Variants in VAV2 observed in about 807,000 individuals in gnomAD.
The protein encoded by VAV2 is guanine nucleotide exchange factor VAV2.
A neutral mutation model predicts 132.5 loss-of-function variants in VAV2; 67 were observed. The observed-to-expected ratio is 0.51, with a 90% confidence interval of 0.42 to 0.62. VAV2 has a LOEUF of 0.62. Ranked by LOEUF, VAV2 falls within the 20% of genes least tolerant of loss-of-function variation. The pLI is 0.00. For synonymous variants in VAV2, 492 were observed against 443.5 expected (o/e 1.11, Z -1.37); for missense variants, 938 against 1,153.6 (o/e 0.81, Z 2.71).
intron 7 of VAV2, 33 bp downstream of exon 7, chr9:133,809,007 T>C (rs749452381): frequency 1.9e-6 from 3 of 1,598,774 alleles, no homozygotes; most frequent in South Asian, 2.2e-5. Context: ...CAGTGGCCGC[T>C]GCCATTTTCC....
chr9:133,783,876 C>CTTT lies in VAV2; in HGVS notation c.1635-286_1635-285insAAA, dbSNP rs1564342140. On this transcript the variant is annotated intron_variant, in intron 18 of 29. Transcript: ENST00000371850. Reference sequence around the variant, plus strand: ...TGAAACTCTAAGGGCTTGGCTGGGCCGTTTTTTTTTTTTTTTTTTTTGGAG... The same window carrying CTTT: ...TGAAACTCTAAGGGCTTGGCTGGGCCTTTGTTTTTTTTTTTTTTTTTTTTGGAG... Among the ~76,000 whole-genome samples, 33 of 124,998 alleles carry CTTT rather than the reference C, an allele frequency of 2.6e-4. 4 individuals carry two copies. In the South Asian group the frequency reaches 3.7e-3, roughly 14 times the overall value. The allele number at this position is 124,998 out of a possible 152,430, so 82.0% of individuals were successfully genotyped here.
At chr9:133,942,744 G>A (rs1588149371) in intron 1 of VAV2, among the ~76,000 whole-genome samples, 1 of 152,236 alleles carries the variant, frequency 6.6e-6, no homozygotes, top group Admixed American at 6.5e-5. Flanking sequence ...AGCAACTGCT[G>A]TGCCTGGCCC....
intron 2 of VAV2, among the ~76,000 whole-genome samples, chr9:133,932,034 C>T (rs34481652): frequency 0.052 from 7,861 of 152,298 alleles, 267 homozygotes; most frequent in Middle Eastern, 0.14. Context: ...AGAGTCCCTA[C>T]GGTCGGAACT....
intron 3 of VAV2, among the ~76,000 whole-genome samples, chr9:133,854,359 A>T (rs1837310072): frequency 6.6e-6 from 1 of 152,200 alleles, no homozygotes; most frequent in Non-Finnish European, 1.5e-5. Flanking sequence ...ACACCCATAC[A>T]CACGCACCAT....
intron 15 of VAV2, 30 bp from the exon 16 acceptor site, chr9:133,787,290 A>G: frequency 6.4e-7 from 1 of 1,569,880 alleles, no homozygotes; most frequent in Non-Finnish European, 8.7e-7. Context: ...GAGGAAGGGG[A>G]AGACGGTCAG....
At chr9:133,818,626 C>G (rs1835662962) in intron 4 of VAV2, among the ~76,000 whole-genome samples, 1 of 152,190 alleles carries the variant, frequency 6.6e-6, no homozygotes, top group South Asian at 2.1e-4. Flanking sequence ...TTGCAGGCAG[C>G]ATATGGCGGG....
intron 2 of VAV2, among the ~76,000 whole-genome samples, chr9:133,916,333 C>A (rs1460631215): frequency 6.6e-6 from 1 of 152,252 alleles, no homozygotes; most frequent in African/African-American, 2.4e-5. Flanking sequence ...GCGCTGAATG[C>A]TAACTGACAG....
In VAV2 at chr9:133,787,196, A is replaced by T. The variant is rs373787327; in HGVS notation, c.1422+50T>A. On this transcript the variant is annotated intron_variant, in intron 16 of 29. Coordinates refer to ENST00000371850, the MANE Select transcript of VAV2 (RefSeq NM_001134398.2). ...GGCTCCGGGCAGAAGTGCCAGCACCAGGCTGGGATGATTGAGGCAGGTGGG... is the reference window on the plus strand; with the variant it reads ...GGCTCCGGGCAGAAGTGCCAGCACCTGGCTGGGATGATTGAGGCAGGTGGG... 7 of 1,537,042 alleles carry T rather than the reference A, an allele frequency of 4.6e-6. No homozygotes were observed. The African/African-American group carries it at 8.2e-5, about 18-fold the overall frequency.
intron 2 of VAV2, among the ~76,000 whole-genome samples, chr9:133,921,869 T>C (rs1033766645): frequency 1.3e-5 from 2 of 152,224 alleles, no homozygotes; most frequent in Non-Finnish European, 2.9e-5. Context: ...GTGGTTCTAA[T>C]TGTGCTGGAT....
intron 11 of VAV2, 70 bp downstream of exon 11, chr9:133,796,359 T>C: frequency 7.2e-7 from 1 of 1,389,524 alleles, no homozygotes; most frequent in Non-Finnish European, 1.0e-6. Flanking sequence ...CTATACCCCC[T>C]GGAAGCTGCC....
intron 3 of VAV2, among the ~76,000 whole-genome samples, chr9:133,852,500 T>C (rs973662734): frequency 6.6e-6 from 1 of 151,948 alleles, no homozygotes. Flanking sequence ...AGTGGGCAAA[T>C]TGGCAGCTCA....
Position 133,861,355 on chromosome 9 carries a change from C to T in VAV2, c.380+19G>A, listed in dbSNP as rs780059518. 7.5e-6 allele frequency: 12 copies of T among 1,604,308 alleles called. No homozygotes were observed. The highest frequency in any genetic ancestry group is 4.0e-5 in the African/African-American group (3 of 74,682). On this transcript the variant is annotated intron_variant, in intron 3 of 29. Transcript: ENST00000371850. Reference sequence around the variant, plus strand: ...AGATGAAAGGACCCGGCCTTGGCAGCGCACTCCGGAGAGCTCACCTGATCC... The same window carrying T: ...AGATGAAAGGACCCGGCCTTGGCAGTGCACTCCGGAGAGCTCACCTGATCC...
chr9:133,846,805 T>C (rs879295973), intron 3 of VAV2, among the ~76,000 whole-genome samples: 4 of 152,182 alleles, frequency 2.6e-5, no homozygotes, highest in African/African-American at 4.8e-5. Flanking sequence ...TAGGTGAACA[T>C]GACTGGCCGA....
intron 11 of VAV2, 73 bp downstream of exon 11, chr9:133,796,356 C>T (rs1280998488): frequency 2.2e-6 from 3 of 1,338,288 alleles, no homozygotes; most frequent in Non-Finnish European, 3.1e-6. Context: ...AACCTATACC[C>T]CCTGGAAGCT....
intron 12 of VAV2, among the ~76,000 whole-genome samples, chr9:133,795,112 G>T (rs1396470515): frequency 6.6e-6 from 1 of 152,218 alleles, no homozygotes; most frequent in East Asian, 1.9e-4. Flanking sequence ...AGAAGGCCGG[G>T]AGTGCCAGAG....
intron 3 of VAV2, among the ~76,000 whole-genome samples, chr9:133,848,279 C>CAAAAAAAAAA (rs34908811): frequency 6.2e-5 from 3 of 48,624 alleles, no homozygotes; most frequent in East Asian, 1.5e-3. Context: ...GACTCCGTCT[C>CAAAAAAAAAA]AAAAAAAAAA....
chr9:133,907,853 ACC>A (rs1839720666), intron 2 of VAV2, among the ~76,000 whole-genome samples: 6 of 68,704 alleles, frequency 8.7e-5, no homozygotes, highest in Non-Finnish European at 1.2e-4. Flanking sequence ...CGCCCCTCCC[ACC>A]CCACCCCCTT....
rs1835898960 is a variant in VAV2, at chr9:133,824,202, C to T, written c.449+10070G>A. 6.6e-6 allele frequency among the ~76,000 whole-genome samples: 1 copy of T among 151,980 alleles called. No individual in the cohort carries two copies. The highest frequency in any genetic ancestry group is 1.5e-5 in the Non-Finnish European group (1 of 67,990). ...AGGGAAGTGCTGATGGCTCTGTTAA[C>T]AGGGAAGGTGCGGACAGGGAGCTCC... On this transcript the variant is annotated intron_variant, in intron 4 of 29. Coordinates refer to ENST00000371850, the MANE Select transcript of VAV2 (RefSeq NM_001134398.2). This position sits in a 1 kb window ranked among gnomAD's most constrained non-coding sequence, Gnocchi z 5.2.
Position 133,768,307 on chromosome 9 carries a change from G to T in VAV2, c.2589+135C>A. 7.9e-7 allele frequency: 1 copy of T among 1,265,740 alleles called. No individual in the cohort carries two copies. Among genetic ancestry groups the T allele is most frequent in the Non-Finnish European group, 1.1e-6 (1 of 930,018 alleles). The allele number at this position is 1,265,740 out of a possible 1,614,324, so 78.4% of individuals were successfully genotyped here. ...TGCCAACCTTCTGGGCTGCTGTGAG[G>T]ATGAGGGAGATTGCAGAGGGTGTCT... On this transcript the variant is annotated intron_variant, in intron 29 of 29. Transcript: ENST00000371850. This position sits in a 1 kb window ranked among gnomAD's most constrained non-coding sequence, Gnocchi z 5.3.
Sources: allele counts gnomAD v4.1 joint callset (sites outside exome capture counted in the v4.1 genomes callset), GRCh38; gene constraint gnomAD v4.1.1; non-coding constraint Gnocchi (gnomAD v3.1); transcripts MANE v1.5; gene names NCBI Gene and HGNC (gene_info 2026-07-23, HGNC 2026-07-21).